FAAH2: variants seen among roughly 807,000 people sequenced by gnomAD.
FAAH2 encodes fatty acid amide hydrolase 2.
Under a neutral mutation model 36.9 loss-of-function variants are expected in FAAH2, and 60 were observed. That is an observed-to-expected ratio of 1.63 (90% confidence interval 1.32 to 2.02). FAAH2 has a LOEUF of 2.02. Ranked by LOEUF, FAAH2 falls within the 30% of genes most tolerant of loss-of-function variation. The pLI is 0.00. For synonymous variants in FAAH2, 214 were observed against 143.8 expected (o/e 1.49, Z -3.49); for missense variants, 689 against 397.5 (o/e 1.73, Z -6.23).
At chrX:57,246,398 C>A in the FAAH2 span, among the ~76,000 whole-genome samples, 1 of 111,474 alleles carries the variant, frequency 9.0e-6, no homozygotes, top group African/African-American at 3.3e-5. Context: ...ATCCTGATAC[C>A]AAAACCTGGC....
At chrX:57,150,894 G>T in the FAAH2 span, among the ~76,000 whole-genome samples, 2 of 112,162 alleles carry the variant, frequency 1.8e-5, no homozygotes, top group African/African-American at 6.5e-5. Context: ...TGCAGTGGGT[G>T]GTACCGGATG....
At chrX:57,276,937 T>C in the FAAH2 span, among the ~76,000 whole-genome samples, 1 of 111,190 alleles carries the variant, frequency 9.0e-6, no homozygotes, top group African/African-American at 3.3e-5. Context: ...TAATTAATAG[T>C]TTACCAACCA....
At chrX:57,336,991 A>G (rs1229705575) in intron 4 of FAAH2, among the ~76,000 whole-genome samples, 1 of 110,654 alleles carries the variant, frequency 9.0e-6, no homozygotes, top group Non-Finnish European at 1.9e-5. Flanking sequence ...AATAAATAAA[A>G]TAGAGCACTA....
chrX:57,447,333 G>A (rs896525795), intron 9 of FAAH2, among the ~76,000 whole-genome samples: 4 of 111,174 alleles, frequency 3.6e-5, no homozygotes, highest in Non-Finnish European at 7.5e-5. Flanking sequence ...TTTTCTGGGT[G>A]TACTGTGCAA....
At chrX:57,471,600 C>G (rs766789897) in intron 10 of FAAH2, among the ~76,000 whole-genome samples, 2 of 111,455 alleles carry the variant, frequency 1.8e-5, no homozygotes, top group African/African-American at 6.5e-5. Flanking sequence ...AGAGGATGCA[C>G]ATAAATGGAA....
the FAAH2 span, among the ~76,000 whole-genome samples, chrX:57,131,079 C>CTTTTT: frequency 1.1e-5 from 1 of 90,247 alleles, no homozygotes. Flanking sequence ...GGGCCTATTT[C>CTTTTT]TTTTTTTTTT....
the FAAH2 span, among the ~76,000 whole-genome samples, chrX:57,223,232 C>T: frequency 2.7e-5 from 3 of 111,580 alleles, no homozygotes; most frequent in African/African-American, 9.8e-5. Flanking sequence ...GATCCTATAT[C>T]AGCTGGAAAT....
the FAAH2 span, among the ~76,000 whole-genome samples, chrX:57,164,604 CAG>C: frequency 2.2e-3 from 244 of 111,987 alleles, no homozygotes; most frequent in African/African-American, 7.8e-3. Flanking sequence ...GGACCCCAAA[CAG>C]AATATGCCAC....
intron 5 of FAAH2, among the ~76,000 whole-genome samples, chrX:57,367,729 C>T (rs2054452765): frequency 9.0e-6 from 1 of 111,692 alleles, no homozygotes; most frequent in South Asian, 3.8e-4. Flanking sequence ...GGGGACTTCC[C>T]TCTGCACCAG....
At position 57,401,242 on chromosome X, in the gene FAAH2, A is replaced by G. The variant is rs1050371402; in HGVS notation, c.996+20213A>G. On this transcript the variant is annotated intron_variant, in intron 7 of 10. Transcript: ENST00000374900. The stretch of plus-strand genomic sequence containing the variant: ...TACCAAAAGACAAGAGTGTCCAGGT[A>G]TGAGAACTGGCTCAAATCTTGGGCT... Among the ~76,000 whole-genome samples the G allele has an allele frequency of 7.9e-4, 89 of 112,281 alleles. 1 individual carries two copies. The highest frequency in any genetic ancestry group is 2.8e-3 in the African/African-American group (86 of 30,907).
the FAAH2 span, among the ~76,000 whole-genome samples, chrX:57,177,784 G>C: frequency 6.5e-5 from 7 of 108,513 alleles, no homozygotes; most frequent in Non-Finnish European, 1.3e-4. Context: ...TGCCTGGGCT[G>C]TCTGACTGTT....
chrX:57,183,176 A>G, the FAAH2 span, among the ~76,000 whole-genome samples: 1 of 111,423 alleles, frequency 9.0e-6, no homozygotes, highest in Admixed American at 9.6e-5. Context: ...AAGTTTATCT[A>G]TATAACAAAC....
the FAAH2 span, among the ~76,000 whole-genome samples, chrX:57,259,534 GA>G: frequency 8.9e-6 from 1 of 111,915 alleles, no homozygotes; most frequent in Non-Finnish European, 1.9e-5. Context: ...GACACAGAAA[GA>G]CAAATATTGC....
chrX:57,396,006 A>T (rs2055286560), intron 7 of FAAH2, among the ~76,000 whole-genome samples: 1 of 111,908 alleles, frequency 8.9e-6, no homozygotes, highest in East Asian at 2.8e-4. Context: ...TGTATTACAG[A>T]TTCAAATTCA....
At chrX:57,361,305 CTTCT>C (rs984144517) in intron 5 of FAAH2, among the ~76,000 whole-genome samples, 2 of 105,913 alleles carry the variant, frequency 1.9e-5, no homozygotes, top group Non-Finnish European at 3.9e-5. Context: ...TTCATAATAA[CTTCT>C]TTCTTTCTTT....
chrX:57,351,096 A>G (rs1022914851), intron 5 of FAAH2, among the ~76,000 whole-genome samples: 7 of 111,626 alleles, frequency 6.3e-5, no homozygotes, highest in African/African-American at 2.3e-4. Context: ...GGCCACAAGA[A>G]AAAGCTTCAA....
the FAAH2 span, among the ~76,000 whole-genome samples, chrX:57,230,087 TACA>T: frequency 7.0e-4 from 78 of 112,067 alleles, no homozygotes; most frequent in Non-Finnish European, 1.2e-3. Flanking sequence ...CATACTCGCT[TACA>T]ACACTATTTT....
chrX:57,380,912 G>T lies in FAAH2; in HGVS notation c.879G>T (p.Arg293Ser), dbSNP rs41307633. 61 of 1,139,281 alleles carry T rather than the reference G, an allele frequency of 5.4e-5. No individual in the cohort carries two copies. Among genetic ancestry groups the T allele is most frequent in the Non-Finnish European group, 7.3e-5 (61 of 841,243 alleles). The allele number at this position is 1,139,281 out of a possible 1,213,427, so 93.9% of individuals were successfully genotyped here. ...LKVMAGPGIK[R>S]LKLDTKVHLK... ...TCAGTTTCTTTTTAATCCTACACAG[G>T]TTAAAACTAGACACAAAGGTACATT... Residue 293 changes from arginine to serine, a missense_variant and splice_region_variant, in exon 7 of 11, where the codon AGG (arginine) becomes AGT (serine). By Grantham distance (110) the Arg-to-Ser change is moderately radical (BLOSUM62 -1). Coordinates refer to ENST00000374900, the MANE Select transcript of FAAH2 (RefSeq NM_174912.4).
intron 10 of FAAH2, among the ~76,000 whole-genome samples, chrX:57,475,123 C>CT (rs1479006821): frequency 4.5e-5 from 5 of 111,625 alleles, no homozygotes; most frequent in South Asian, 7.4e-4. Context: ...GCATGCAAAT[C>CT]TTTTTTTCCA....
Sources: allele counts gnomAD v4.1 joint callset (sites outside exome capture counted in the v4.1 genomes callset), GRCh38; gene constraint gnomAD v4.1.1; transcripts MANE v1.5; gene names NCBI Gene and HGNC (gene_info 2026-07-23, HGNC 2026-07-21).